The following LIMCH1 variants were observed in gnomAD, a reference collection of about 807,000 sequenced individuals.
LIMCH1 encodes the protein LIM and calponin homology domains-containing protein 1.
A neutral mutation model predicts 176.5 loss-of-function variants in LIMCH1; 113 were observed. The observed-to-expected ratio is 0.64, with a 90% CI of 0.55 to 0.75. The LOEUF (loss-of-function observed/expected upper bound fraction) is 0.75. Ranked by LOEUF, LIMCH1 falls within the 30% of genes least tolerant of loss-of-function variation. The probability of loss-of-function intolerance (pLI) is 0.00; values close to 1 mark genes in which losing one functional copy is unlikely to be tolerated. For missense variants in LIMCH1, 1,674 were observed against 1,814.9 expected (o/e 0.92, Z 1.41); for synonymous variants, 619 against 645.9 (o/e 0.96, Z 0.63).
At chr4:41,588,651 A>G (rs562101659) in intron 1 of LIMCH1, among the ~76,000 whole-genome samples, 38 of 152,322 alleles carry the variant, frequency 2.5e-4, no homozygotes, top group Non-Finnish European at 5.1e-4. Flanking sequence ...ATTGGAGAAC[A>G]TGAGTTTAGC....
intron 3 of LIMCH1, among the ~76,000 whole-genome samples, chr4:41,528,679 G>A (rs1367736937): frequency 4.6e-5 from 7 of 152,332 alleles, no homozygotes; most frequent in East Asian, 3.9e-4. Flanking sequence ...AGTGTGGCCA[G>A]AGGGTTTTCT....
Position 41,626,822 on chromosome 4 carries a change from G to A in LIMCH1, c.840G>A (p.Val280=), listed in dbSNP as rs1337877355. ...GNDSEAEGEV[V]CRLPDLEKDD... is the part of the protein sequence containing the mutation. ...ATTCAGAGGCAGAAGGTGAAGTTGT[G>A]TGTCGACTGCCTGATCTTGAGAAGG... The change falls in exon 8 of 32, where the codon GTG becomes GTA. Residue 280 remains valine (V), a synonymous_variant. Coordinates refer to ENST00000503057, the MANE Select transcript of LIMCH1 (RefSeq NM_001330672.2). 6 of 1,536,112 alleles carry A rather than the reference G, an allele frequency of 3.9e-6. No individual in the cohort carries two copies. Among genetic ancestry groups the A allele is most frequent in the Non-Finnish European group, 4.4e-6 (5 of 1,146,930 alleles).
intron 1 of LIMCH1, among the ~76,000 whole-genome samples, chr4:41,595,481 A>G (rs1175944630): frequency 6.6e-6 from 1 of 152,178 alleles, no homozygotes; most frequent in Non-Finnish European, 1.5e-5. Flanking sequence ...CTGGTATGGT[A>G]TATAACCTCT....
intron 1 of LIMCH1, among the ~76,000 whole-genome samples, chr4:41,447,650 GA>G (rs1297895525): frequency 6.6e-6 from 1 of 152,226 alleles, no homozygotes; most frequent in Non-Finnish European, 1.5e-5. Context: ...TCTGGATCCT[GA>G]AAATGCGGGA....
chr4:41,573,532 T>A (rs1332930093), intron 1 of LIMCH1, among the ~76,000 whole-genome samples: 1 of 152,174 alleles, frequency 6.6e-6, no homozygotes, highest in Non-Finnish European at 1.5e-5. Context: ...AGGACTTCCG[T>A]ATATTGTTAA....
chr4:41,521,292 A>G lies in LIMCH1; in HGVS notation c.168-3117A>G, dbSNP rs564357559. On this transcript the variant is annotated intron_variant, in intron 2 of 26. Transcript: ENST00000313860. ...CTGTGCATGTCTCTGGGAAATCTTC[A>G]TATCTGTTTGGGGTTCATTTTTTCT... is the stretch of plus-strand genomic sequence containing the variant. Among the ~76,000 whole-genome samples, 9 of 152,232 alleles carry G rather than the reference A, an allele frequency of 5.9e-5. No homozygotes were observed. The East Asian group carries it at 1.7e-3, about 29-fold the overall frequency.
At chr4:41,389,258 G>C (rs1446894507) in intron 1 of LIMCH1, 1 of 152,366 alleles carries the variant, frequency 6.6e-6, no homozygotes, top group Non-Finnish European at 1.5e-5. Context: ...ACATTGCTAA[G>C]GCAACCAGTG....
At chr4:41,430,819 A>T (rs1219486929) in intron 1 of LIMCH1, among the ~76,000 whole-genome samples, 1 of 152,110 alleles carries the variant, frequency 6.6e-6, no homozygotes, top group South Asian at 2.1e-4. Flanking sequence ...AAGGAGAATA[A>T]CTTTTTTATT....
Position 41,656,522 on chromosome 4 carries a change from AT to A in LIMCH1, c.3037-4889del, listed in dbSNP as rs200740412. ...ATCCAGTTACCTGGGTCAAAACCTCATTTTTTTTTAATTTGAAAAGTTTAGT... is the reference window on the plus strand; with the variant it reads ...ATCCAGTTACCTGGGTCAAAACCTCATTTTTTTTAATTTGAAAAGTTTAGT... On this transcript the variant is annotated intron_variant, in intron 18 of 31. Transcript: ENST00000503057. Among the ~76,000 whole-genome samples the A allele has an allele frequency of 9.2e-5, 14 of 151,426 alleles. 1 individual carries two copies. Among genetic ancestry groups the A allele is most frequent in the Admixed American group, 7.9e-4 (12 of 15,188 alleles).
chr4:41,379,010 C>G (rs1249146596), intron 1 of LIMCH1, among the ~76,000 whole-genome samples: 3 of 152,126 alleles, frequency 2.0e-5, no homozygotes, highest in African/African-American at 7.2e-5. Context: ...GTCAAGAAAA[C>G]TGTTAAAAGT....
intron 2 of LIMCH1, among the ~76,000 whole-genome samples, chr4:41,600,079 T>G (rs2089646709): frequency 6.6e-6 from 1 of 152,292 alleles, no homozygotes; most frequent in South Asian, 2.1e-4. Flanking sequence ...GGGTTTATGT[T>G]GGATTTTGTG....
chr4:41,614,836 G>A (rs2152804072), intron 5 of LIMCH1, among the ~76,000 whole-genome samples: 1 of 152,284 alleles, frequency 6.6e-6, no homozygotes, highest in East Asian at 1.9e-4. Context: ...TCAGAAAGTA[G>A]CATAACAATG....
intron 1 of LIMCH1, among the ~76,000 whole-genome samples, chr4:41,553,135 C>T (rs188019252): frequency 2.9e-4 from 44 of 152,266 alleles, no homozygotes; most frequent in Admixed American, 2.0e-3. Context: ...CGAGATCTCT[C>T]GCAGTGATGG....
intron 4 of LIMCH1, among the ~76,000 whole-genome samples, chr4:41,610,348 C>T (rs930156428): frequency 2.6e-5 from 4 of 152,148 alleles, no homozygotes; most frequent in East Asian, 3.9e-4. Context: ...ATGTGACCAG[C>T]GGTCCGCCTC....
intron 2 of LIMCH1, among the ~76,000 whole-genome samples, chr4:41,517,546 A>G (rs2075706764): frequency 6.6e-6 from 1 of 152,182 alleles, no homozygotes; most frequent in African/African-American, 2.4e-5. Context: ...TATTTCACAC[A>G]TTCTGAACCG....
intron 1 of LIMCH1, among the ~76,000 whole-genome samples, chr4:41,416,131 T>G (rs889179797): frequency 1.3e-5 from 2 of 152,170 alleles, no homozygotes; most frequent in Non-Finnish European, 2.9e-5. Flanking sequence ...GTAGGCTTAC[T>G]TTGCTGGGTG....
At chr4:41,415,266 C>T (rs1022995032) in intron 1 of LIMCH1, among the ~76,000 whole-genome samples, 5 of 152,068 alleles carry the variant, frequency 3.3e-5, no homozygotes, top group Admixed American at 6.5e-5. Flanking sequence ...TTTGTCCTTT[C>T]GCTCCTGAAA....
At chr4:41,641,312 G>C (rs560890117) in intron 14 of LIMCH1, among the ~76,000 whole-genome samples, 1 of 152,266 alleles carries the variant, frequency 6.6e-6, no homozygotes, top group East Asian at 1.9e-4. Context: ...AGTCTAACCT[G>C]AACTAGGGAA....
intron 1 of LIMCH1, among the ~76,000 whole-genome samples, chr4:41,461,511 C>G (rs968760284): frequency 2.6e-5 from 4 of 152,180 alleles, no homozygotes; most frequent in Non-Finnish European, 5.9e-5. Context: ...CGTGGTCCCA[C>G]TGGGCTGTTT....
Sources: gnomAD v4.1 joint callset for allele counts (sites outside exome capture counted in the v4.1 genomes callset) on GRCh38, gnomAD v4.1.1 for gene constraint, MANE v1.5 for transcripts, NCBI Gene and HGNC (gene_info 2026-07-23, HGNC 2026-07-21) for gene names.